CUX1: variants seen among roughly 807,000 people sequenced by gnomAD.
CUX1 encodes the protein cut like homeobox 1.
Under a neutral mutation model 158.8 loss-of-function variants are expected in CUX1, and 31 were observed. The ratio of observed to expected loss-of-function variants is 0.20; its 90% CI spans 0.15 to 0.26. The LOEUF is 0.26. Ranked by LOEUF, CUX1 falls within the 10% of genes least tolerant of loss-of-function variation. The probability of loss-of-function intolerance (pLI) is 1.00; values close to 1 mark genes in which losing one functional copy is unlikely to be tolerated. For missense variants in CUX1, 1,589 were observed against 2,014.6 expected, an observed-to-expected ratio of 0.79 and a Z score of 4.04; for synonymous variants, 879 against 862.1, an observed-to-expected ratio of 1.02 and a Z score of -0.34.
At chr7:101,956,779 C>G (rs1321310485) in intron 2 of CUX1, among the ~76,000 whole-genome samples, 6 of 152,156 alleles carry the variant, frequency 3.9e-5, no homozygotes, top group Non-Finnish European at 7.3e-5. Context: ...GAGACCCTGT[C>G]TCTACACAAA....
At chr7:101,875,666 G>A (rs1799045678) in intron 1 of CUX1, among the ~76,000 whole-genome samples, 1 of 152,184 alleles carries the variant, frequency 6.6e-6, no homozygotes, top group East Asian at 1.9e-4. Flanking sequence ...GTCAGGACCT[G>A]AGACGCGTTG....
intron 2 of CUX1, among the ~76,000 whole-genome samples, chr7:101,983,133 G>A (rs1223541389): frequency 2.0e-5 from 3 of 152,156 alleles, no homozygotes; most frequent in African/African-American, 7.2e-5. Context: ...TCAGAAGGAC[G>A]GAGATGTTTA....
At chr7:102,175,298 C>G (rs958337584) in intron 10 of CUX1, among the ~76,000 whole-genome samples, 1 of 152,208 alleles carries the variant, frequency 6.6e-6, no homozygotes, top group Non-Finnish European at 1.5e-5. Flanking sequence ...CTTGTAAAAC[C>G]CACATTCCCT....
chr7:102,226,526 A>T (rs1798362955), intron 20 of CUX1, among the ~76,000 whole-genome samples: 1 of 152,182 alleles, frequency 6.6e-6, no homozygotes, highest in African/African-American at 2.4e-5. Context: ...ACCGAGCAAG[A>T]CCCCATCTCT....
chr7:102,280,189 T>A (rs1791957770), intron 19 of CUX1: 1 of 1,051,332 alleles, frequency 9.5e-7, no homozygotes. Context: ...GGTCCCCCCA[T>A]CACTTGGCCC....
At chr7:102,048,519 C>T (rs1486143074) in intron 3 of CUX1, among the ~76,000 whole-genome samples, 1 of 152,110 alleles carries the variant, frequency 6.6e-6, no homozygotes. Context: ...CACATGACCA[C>T]TATTAATCAA....
At position 102,071,048 on chromosome 7, in the gene CUX1, C is replaced by T. The variant is rs542881471; in HGVS notation, c.268+631C>T. ...TCCGCTCACTGCAACCTGCACCTCC[C>T]GGGCTCAAGCGATCCTCCCACCTCA... On this transcript the variant is annotated intron_variant, in intron 4 of 23. Coordinates refer to ENST00000292535, the MANE Select transcript of CUX1 (RefSeq NM_181552.4). 5.9e-5 allele frequency among the ~76,000 whole-genome samples: 9 copies of T among 152,160 alleles called. No individual in the cohort carries two copies. In the East Asian group the frequency reaches 7.7e-4, roughly 13 times the overall value.
At chr7:101,858,661 CTT>C (rs760652607) in intron 1 of CUX1, among the ~76,000 whole-genome samples, 6 of 103,314 alleles carry the variant, frequency 5.8e-5, no homozygotes, top group African/African-American at 1.2e-4. Flanking sequence ...ATGCGAATGC[CTT>C]TTTTTTTTTT....
intron 3 of CUX1, among the ~76,000 whole-genome samples, chr7:102,030,712 G>T (rs1355192692): frequency 2.0e-4 from 2 of 10,218 alleles, no homozygotes; most frequent in African/African-American, 4.5e-4. Flanking sequence ...TTGAGACAGG[G>T]TCTCGCTCGG....
At chr7:101,866,153 C>T (rs1245425774) in intron 1 of CUX1, among the ~76,000 whole-genome samples, 1 of 151,352 alleles carries the variant, frequency 6.6e-6, no homozygotes, top group Non-Finnish European at 1.5e-5. Context: ...AGTGAGACCC[C>T]AATCTCTACT....
rs1200035180 is a variant in CUX1 at position 102,257,114 on chromosome 7, T to C, written c.*8072T>C. 1 of 985,100 alleles carries C rather than the reference T, an allele frequency of 1.0e-6. No homozygotes were observed. Among genetic ancestry groups the C allele is most frequent in the African/African-American group, 1.8e-5 (1 of 57,142 alleles). 61.0% of individuals were successfully genotyped at this position (985,100 alleles called of 1,614,324 possible). On this transcript the variant is annotated 3_prime_UTR_variant, in exon 24 of 24. Transcript: ENST00000292535. ...GTGAAGGTGAGGCGCCCTGCCTTGA[T>C]CCCATGGGCCCAGCAGAAGGAAACT... is the stretch of plus-strand genomic sequence containing the variant.
chr7:101,924,869 C>T (rs1221011675), intron 2 of CUX1, among the ~76,000 whole-genome samples: 1 of 152,258 alleles, frequency 6.6e-6, no homozygotes, highest in Admixed American at 6.5e-5. Context: ...GCCACCACAC[C>T]TGGCCTTTGA....
intron 8 of CUX1, among the ~76,000 whole-genome samples, chr7:102,120,465 C>T (rs781796996): frequency 3.3e-5 from 5 of 152,110 alleles, no homozygotes; most frequent in Non-Finnish European, 7.4e-5. Context: ...CAGTAAAATT[C>T]GTATTTCTTA....
intron 3 of CUX1, among the ~76,000 whole-genome samples, chr7:102,038,503 T>A (rs1399558120): frequency 6.6e-6 from 1 of 152,204 alleles, no homozygotes; most frequent in Non-Finnish European, 1.5e-5. Context: ...AAATAACTCA[T>A]CTGCAAGTTA....
At chr7:102,203,483 G>A (rs538247224) in intron 18 of CUX1, among the ~76,000 whole-genome samples, 10 of 152,310 alleles carry the variant, frequency 6.6e-5, no homozygotes, top group African/African-American at 2.4e-4. Flanking sequence ...TGCAAAAGGT[G>A]AAGGGGGGCG....
Position 102,082,910 on chromosome 7 carries a change from A to C in CUX1, c.268+12493A>C, listed in dbSNP as rs897213229. Among the ~76,000 whole-genome samples the C allele has an allele frequency of 2.0e-5, 3 of 147,810 alleles. No homozygotes were observed. The East Asian group carries it at 5.8e-4, about 28-fold the overall frequency. On this transcript the variant is annotated intron_variant, in intron 4 of 23. Coordinates refer to ENST00000292535, the MANE Select transcript of CUX1 (RefSeq NM_181552.4). Reference sequence around the variant, plus strand: ...ATTATGAATCAGTCTATAAACATTCATGGAGAAGTTGTTACATAGGTATAT... The same window carrying C: ...ATTATGAATCAGTCTATAAACATTCCTGGAGAAGTTGTTACATAGGTATAT...
At chr7:101,895,913 T>TTTTTTTTTTTTTTTG (rs1801447986) in intron 1 of CUX1, among the ~76,000 whole-genome samples, 1 of 121,712 alleles carries the variant, frequency 8.2e-6, no homozygotes, top group Non-Finnish European at 1.6e-5. Context: ...TTTTTGTTTT[T>TTTTTTTTTTTTTTTG]TTTTTTTTTT....
At chr7:102,282,225 G>A (rs1369036771) in intron 21 of CUX1, among the ~76,000 whole-genome samples, 1 of 152,192 alleles carries the variant, frequency 6.6e-6, no homozygotes, top group Non-Finnish European at 1.5e-5. Context: ...GAAGGGAGCA[G>A]GTCTAATGAA....
intron 2 of CUX1, chr7:101,961,517 A>T (rs1395738101): frequency 6.6e-6 from 1 of 152,234 alleles, no homozygotes; most frequent in Non-Finnish European, 1.5e-5. Context: ...ATTGATCAAT[A>T]TAGAACAAAG....
Sources: gnomAD v4.1 joint callset for allele counts (sites outside exome capture counted in the v4.1 genomes callset) on GRCh38, gnomAD v4.1.1 for gene constraint, MANE v1.5 for transcripts, NCBI Gene and HGNC (gene_info 2026-07-23, HGNC 2026-07-21) for gene names.